Variants in FLYWCH2 observed in about 807,000 individuals in gnomAD.
FLYWCH2 encodes the protein FLYWCH family member 2.
Under a neutral mutation model 6.0 loss-of-function variants are expected in FLYWCH2, and 2 were observed. That is an observed-to-expected ratio of 0.33 (90% CI 0.14 to 1.04). FLYWCH2 has a LOEUF of 1.04. FLYWCH2 is among the 50% of genes least tolerant of loss of function. The probability of loss-of-function intolerance (pLI) is 0.45; values close to 1 mark genes in which losing one functional copy is unlikely to be tolerated. For missense variants in FLYWCH2, 192 were observed against 183.4 expected (o/e 1.05, Z -0.27); for synonymous variants, 87 against 79.3 (o/e 1.10, Z -0.52).
Position 2,899,062 on chromosome 16 carries a change from A to G in FLYWCH2, c.336A>G (p.Thr112=), listed in dbSNP as rs372331570. The G allele has an allele frequency of 6.2e-7, 1 of 1,613,418 alleles. No individual in the cohort carries two copies. Among genetic ancestry groups the G allele is most frequent in the African/African-American group, 1.3e-5 (1 of 74,844 alleles). Residue 112 remains threonine, a synonymous_variant, in exon 4 of 4, where the codon ACA becomes ACG. Transcript: ENST00000396958. ...CTTCTCTCGCAGGCACAGACAGAACAGAAGACAGTGGATTAGCAGCGGGGC... is the reference window on the plus strand; with the variant it reads ...CTTCTCTCGCAGGCACAGACAGAACGGAAGACAGTGGATTAGCAGCGGGGC... ...RSRQDPGTDR[T]EDSGLAAGPP...
intron 3 of FLYWCH2, among the ~76,000 whole-genome samples, chr16:2,897,279 A>G (rs1466036861): frequency 1.3e-5 from 2 of 152,162 alleles, no homozygotes; most frequent in Admixed American, 1.3e-4. Context: ...AGACTAAGGC[A>G]GTGACCTCAG....
chr16:2,887,998 T>TTTTGTTTGTTTG (rs3066091), intron 1 of FLYWCH2, among the ~76,000 whole-genome samples: 58 of 151,244 alleles, frequency 3.8e-4, no homozygotes, highest in Middle Eastern at 3.4e-3. Context: ...TGTGTCTGTG[T>TTTTGTTTGTTTG]TTTGTTTGTT....
chr16:2,894,646 T>G (rs2069797273), intron 1 of FLYWCH2, among the ~76,000 whole-genome samples: 1 of 152,226 alleles, frequency 6.6e-6, no homozygotes, highest in Non-Finnish European at 1.5e-5. Context: ...ATCCCTGCGG[T>G]ACTCTGCAGT....
chr16:2,884,574 A>AAAAAAAAAAAAAAAAAAAC, intron 1 of FLYWCH2, among the ~76,000 whole-genome samples: 1 of 144,404 alleles, frequency 6.9e-6, no homozygotes, highest in South Asian at 2.2e-4. Flanking sequence ...AAAAAAAAAA[A>AAAAAAAAAAAAAAAAAAAC]AAATACAAAA....
At chr16:2,897,427 G>A (rs1056104672) in intron 3 of FLYWCH2, among the ~76,000 whole-genome samples, 2 of 152,322 alleles carry the variant, frequency 1.3e-5, no homozygotes, top group East Asian at 1.9e-4. Flanking sequence ...TAGCTGCTGC[G>A]GGCTGGCTGG....
chr16:2,891,342 T>C (rs1304445637), intron 1 of FLYWCH2, among the ~76,000 whole-genome samples: 1 of 152,244 alleles, frequency 6.6e-6, no homozygotes, highest in Non-Finnish European at 1.5e-5. Flanking sequence ...AGATCACTTC[T>C]GTGCCAGGCG....
chr16:2,890,241 TG>T (rs1470928208), intron 1 of FLYWCH2, among the ~76,000 whole-genome samples: 66 of 135,540 alleles, frequency 4.9e-4, no homozygotes, highest in Middle Eastern at 3.6e-3. Context: ...TTTTTTTTTT[TG>T]TTTTTGTTGT....
rs779263934 is a variant in FLYWCH2 at position 2,896,590 on chromosome 16, C to A, written c.141C>A (p.Ala47=). 5 of 1,614,188 alleles carry A rather than the reference C, an allele frequency of 3.1e-6. No homozygotes were observed. The highest frequency in any genetic ancestry group is 4.2e-6 in the Non-Finnish European group (5 of 1,180,018). Residue 47 remains alanine, a synonymous_variant, in exon 3 of 4, where the codon GCC becomes GCA. Transcript: ENST00000396958. ...RKFSKLVLLT[A]SKDSTKVAGA... ...TCTCCAAACTGGTCCTGCTCACAGCCTCCAAAGACAGCACCAAGGTGGCGG... is the reference window on the plus strand; with the variant it reads ...TCTCCAAACTGGTCCTGCTCACAGCATCCAAAGACAGCACCAAGGTGGCGG...
intron 1 of FLYWCH2, among the ~76,000 whole-genome samples, chr16:2,886,515 C>G (rs75488840): frequency 9.8e-6 from 1 of 102,416 alleles, no homozygotes; most frequent in Non-Finnish European, 1.9e-5. Context: ...GCCCCTTTGT[C>G]CTTTTTTTTT....
At chr16:2,895,485 G>A (rs575444027) in intron 2 of FLYWCH2, among the ~76,000 whole-genome samples, 165 bp downstream of exon 2, 2 of 152,334 alleles carry the variant, frequency 1.3e-5, no homozygotes, top group South Asian at 4.1e-4. Flanking sequence ...GTGGTGGCGG[G>A]CGCCTGTAGT....
At chr16:2,898,926 A>G in intron 3 of FLYWCH2, 123 bp from the exon 4 acceptor site, 2 of 655,698 alleles carry the variant, frequency 3.1e-6, no homozygotes, top group Non-Finnish European at 5.0e-6. Flanking sequence ...AGTCAGGCAG[A>G]GGCTTCTGGC....
chr16:2,893,138 C>G (rs1037578573), intron 1 of FLYWCH2, among the ~76,000 whole-genome samples: 4 of 152,006 alleles, frequency 2.6e-5, no homozygotes, highest in African/African-American at 9.7e-5. Flanking sequence ...TGGAAGCTCT[C>G]GGAACCCTCT....
intron 3 of FLYWCH2, among the ~76,000 whole-genome samples, chr16:2,897,340 C>T (rs987454567): frequency 2.6e-5 from 4 of 152,142 alleles, no homozygotes; most frequent in Non-Finnish European, 4.4e-5. Context: ...TGCACAATCA[C>T]CCCCCACCAA....
At chr16:2,894,165 G>A (rs2069791303) in intron 1 of FLYWCH2, among the ~76,000 whole-genome samples, 1 of 150,634 alleles carries the variant, frequency 6.6e-6, no homozygotes, top group South Asian at 2.1e-4. Flanking sequence ...AATGGCTGCT[G>A]GCCTGGAGGA....
At chr16:2,886,924 A>C (rs2069705205) in intron 1 of FLYWCH2, among the ~76,000 whole-genome samples, 1 of 152,030 alleles carries the variant, frequency 6.6e-6, no homozygotes, top group Non-Finnish European at 1.5e-5. Context: ...TGATTTGCAA[A>C]CATTTTTTCC....
At chr16:2,887,554 A>C (rs1484208970) in intron 1 of FLYWCH2, among the ~76,000 whole-genome samples, 1 of 151,574 alleles carries the variant, frequency 6.6e-6, no homozygotes, top group Non-Finnish European at 1.5e-5. Flanking sequence ...CCTAGCATTT[A>C]ATGTTTGTTT....
intron 1 of FLYWCH2, among the ~76,000 whole-genome samples, chr16:2,893,010 TTA>T (rs1031229471): frequency 8.8e-6 from 1 of 113,192 alleles, no homozygotes; most frequent in African/African-American, 3.2e-5. Context: ...TATATTTTAT[TTA>T]TATATATACA....
intron 3 of FLYWCH2, chr16:2,898,784 G>C: frequency 2.8e-6 from 1 of 358,706 alleles, no homozygotes. Flanking sequence ...AGGTCCAGCA[G>C]AGGCGATGGC....
intron 1 of FLYWCH2, among the ~76,000 whole-genome samples, chr16:2,890,503 C>T (rs2069744935): frequency 6.6e-6 from 1 of 151,940 alleles, no homozygotes; most frequent in African/African-American, 2.4e-5. Context: ...CAATCTCCAC[C>T]TTCTGATTTC....
Sources: gnomAD v4.1 joint callset for allele counts (sites outside exome capture counted in the v4.1 genomes callset) on GRCh38, gnomAD v4.1.1 for gene constraint, MANE v1.5 for transcripts, NCBI Gene and HGNC (gene_info 2026-07-23, HGNC 2026-07-21) for gene names.